GALK2: variants seen among roughly 807,000 people sequenced by gnomAD.
GALK2 encodes N-acetylgalactosamine kinase.
Under a neutral mutation model 52.4 loss-of-function variants are expected in GALK2, and 36 were observed. The ratio of observed to expected loss-of-function variants is 0.69; its 90% confidence interval spans 0.53 to 0.91. GALK2 has a LOEUF of 0.91. GALK2 is among the 40% of genes least tolerant of loss of function. The pLI is 0.00. For synonymous variants in GALK2, 176 were observed against 199.1 expected, an observed-to-expected ratio of 0.88 and a Z score of 0.98; for missense variants, 579 against 559.1, an observed-to-expected ratio of 1.04 and a Z score of -0.36.
intron 2 of GALK2, among the ~76,000 whole-genome samples, chr15:49,205,667 C>G (rs943666728): frequency 6.6e-6 from 1 of 152,116 alleles, no homozygotes; most frequent in Non-Finnish European, 1.5e-5. Flanking sequence ...AAGATTTTCT[C>G]CAACTCTGTA....
chr15:49,179,652 CTTTT>C (rs71875041), intron 1 of GALK2, among the ~76,000 whole-genome samples: 27 of 138,166 alleles, frequency 2.0e-4, no homozygotes, highest in Admixed American at 2.2e-4. Context: ...TTGTTTCTTT[CTTTT>C]TTTTTTTTTT....
chr15:49,319,680 A>G lies in GALK2; in HGVS notation c.1044A>G (p.Ile348Met), dbSNP rs1471436208. 8 of 1,614,114 alleles carry G rather than the reference A, an allele frequency of 5.0e-6. No homozygotes were observed. Among genetic ancestry groups the G allele is most frequent in the Non-Finnish European group, 5.9e-6 (7 of 1,180,026 alleles). Residue 348 changes from isoleucine to methionine, a missense_variant, in exon 9 of 10, where the codon ATA becomes ATG. By Grantham distance (10) the Ile-to-Met change is conservative. Transcript: ENST00000560031. The part of the protein sequence containing the change: ...EAARVLQFKK[I>M]CEEAPENMVQ... ...CGCGAGTGCTCCAGTTTAAGAAGATATGTGAAGAAGCACCTGAAAACATGG... is the reference window on the plus strand; with the variant it reads ...CGCGAGTGCTCCAGTTTAAGAAGATGTGTGAAGAAGCACCTGAAAACATGG...
At chr15:49,299,731 TTTCTTTTC>T (rs2034826553) in intron 8 of GALK2, among the ~76,000 whole-genome samples, 3 of 27,992 alleles carry the variant, frequency 1.1e-4, no homozygotes, top group Admixed American at 3.9e-4. Flanking sequence ...TCTTTCTTTC[TTTCTTTTC>T]TTTCTTTCTT....
chr15:49,236,662 T>C (rs996172446), intron 4 of GALK2, among the ~76,000 whole-genome samples: 1 of 152,230 alleles, frequency 6.6e-6, no homozygotes, highest in African/African-American at 2.4e-5. Flanking sequence ...CACTTTTATA[T>C]TGCAATAATT....
chr15:49,341,996 T>C (rs1000598136), intron 3 of GALK2, among the ~76,000 whole-genome samples: 8 of 152,094 alleles, frequency 5.3e-5, no homozygotes, highest in African/African-American at 1.9e-4. Context: ...ATGATAGCAA[T>C]GTATTTTCTG....
chr15:49,198,857 C>CCCTCCCTT (rs1292295244), intron 1 of GALK2: 3 of 138,088 alleles, frequency 2.2e-5, no homozygotes, highest in African/African-American at 8.0e-5. Flanking sequence ...CTCCCTCCCT[C>CCCTCCCTT]CCTCCCTTCC....
intron 3 of GALK2, among the ~76,000 whole-genome samples, chr15:49,354,708 T>C (rs1253364112): frequency 3.3e-5 from 5 of 152,074 alleles, no homozygotes; most frequent in Admixed American, 6.6e-5. Flanking sequence ...AACAAAACAG[T>C]CGGGAAGCTC....
At chr15:49,280,558 A>G (rs2032538026) in intron 5 of GALK2, among the ~76,000 whole-genome samples, 1 of 152,190 alleles carries the variant, frequency 6.6e-6, no homozygotes, top group East Asian at 1.9e-4. Flanking sequence ...GACCTTGTGT[A>G]CCATGCTGTA....
At chr15:49,233,062 A>G (rs572813123) in intron 3 of GALK2, among the ~76,000 whole-genome samples, 8 of 152,170 alleles carry the variant, frequency 5.3e-5, no homozygotes, top group East Asian at 1.9e-4. Flanking sequence ...CCAATTTTCC[A>G]TATTAGTTCA....
chr15:49,358,929 C>T (rs1243824515), intron 3 of GALK2, among the ~76,000 whole-genome samples: 33 of 144,158 alleles, frequency 2.3e-4, no homozygotes, highest in African/African-American at 6.3e-4. Context: ...TCAGAAATAA[C>T]GCCGCATATC....
chr15:49,251,948 C>G (rs1044783836), intron 5 of GALK2, among the ~76,000 whole-genome samples: 1 of 151,848 alleles, frequency 6.6e-6, no homozygotes, highest in Non-Finnish European at 1.5e-5. Flanking sequence ...TGTAAAACAC[C>G]CAGGAAAATT....
At chr15:49,262,344 G>C (rs2092153664) in intron 5 of GALK2, among the ~76,000 whole-genome samples, 1 of 152,152 alleles carries the variant, frequency 6.6e-6, no homozygotes, top group African/African-American at 2.4e-5. Context: ...GGATTTTCTA[G>C]TTTATTTGCA....
At chr15:49,269,211 C>T (rs991527824) in intron 5 of GALK2, among the ~76,000 whole-genome samples, 44 of 152,138 alleles carry the variant, frequency 2.9e-4, no homozygotes, top group African/African-American at 1.0e-3. Flanking sequence ...TTTTGGTTCT[C>T]CCATGGTGTG....
At chr15:49,165,845 C>G (rs1285323410), upstream of GALK2, among the ~76,000 whole-genome samples, 1 of 150,022 alleles carries the variant, frequency 6.7e-6, no homozygotes, top group East Asian at 2.0e-4. Context: ...CTCTGTCACC[C>G]AGGCTGGAGT....
intron 2 of GALK2, among the ~76,000 whole-genome samples, chr15:49,206,675 G>A (rs1198337349): frequency 1.3e-5 from 2 of 152,042 alleles, no homozygotes; most frequent in African/African-American, 4.8e-5. Context: ...CTATATTTGT[G>A]TACATTAATC....
At chr15:49,342,016 G>C (rs1399250461) in intron 3 of GALK2, among the ~76,000 whole-genome samples, 2 of 152,086 alleles carry the variant, frequency 1.3e-5, no homozygotes, top group African/African-American at 4.8e-5. Context: ...GTGGTTGATG[G>C]GTGAAGTATT....
intron 9 of GALK2, among the ~76,000 whole-genome samples, chr15:49,321,555 C>T (rs765242139): frequency 6.6e-6 from 1 of 152,130 alleles, no homozygotes; most frequent in Non-Finnish European, 1.5e-5. Flanking sequence ...CCTCTAAAAG[C>T]CACATTTTTG....
intron 7 of GALK2, among the ~76,000 whole-genome samples, chr15:49,284,509 G>A (rs74014920): frequency 1.3e-5 from 2 of 152,164 alleles, no homozygotes; most frequent in Non-Finnish European, 2.9e-5. Context: ...GAGGACTGAG[G>A]CTGGAGGCTA....
intron 5 of GALK2, among the ~76,000 whole-genome samples, chr15:49,255,091 C>T (rs2091759804): frequency 7.0e-6 from 1 of 143,218 alleles, no homozygotes; most frequent in African/African-American, 2.5e-5. Context: ...TTTAATATGC[C>T]ACACTATATC....
Sources: gnomAD v4.1 joint callset for allele counts (sites outside exome capture counted in the v4.1 genomes callset) on GRCh38, gnomAD v4.1.1 for gene constraint, MANE v1.5 for transcripts, NCBI Gene and HGNC (gene_info 2026-07-23, HGNC 2026-07-21) for gene names.